The following SLC25A21 variants were observed in gnomAD, a reference collection of about 807,000 sequenced individuals.
SLC25A21 encodes the protein solute carrier family 25 member 21, also known as mitochondrial 2-oxodicarboxylate carrier.
Under a neutral mutation model 43.8 loss-of-function variants are expected in SLC25A21, and 47 were observed. That is an observed-to-expected ratio of 1.07 (90% CI 0.85 to 1.37). The LOEUF is 1.37. Among genes scored for constraint, SLC25A21 ranks in the 40% most tolerant of loss-of-function variants. The pLI, the probability that SLC25A21 is intolerant of heterozygous loss-of-function variation, is 0.00. For synonymous variants in SLC25A21, 131 were observed against 121.3 expected, an observed-to-expected ratio of 1.08 and a Z score of -0.52; for missense variants, 352 against 350.2, an observed-to-expected ratio of 1.00 and a Z score of -0.04.
intron 1 of SLC25A21, among the ~76,000 whole-genome samples, chr14:36,999,981 T>C (rs184930375): frequency 2.2e-4 from 33 of 152,318 alleles, no homozygotes; most frequent in African/African-American, 7.2e-4. Flanking sequence ...CTGACACACA[T>C]AGCAGATACA....
At chr14:36,838,733 C>T (rs1310121451) in intron 2 of SLC25A21, among the ~76,000 whole-genome samples, 1 of 152,166 alleles carries the variant, frequency 6.6e-6, no homozygotes, top group Non-Finnish European at 1.5e-5. Flanking sequence ...GCACATTCGC[C>T]AATATTTCTG....
chr14:37,167,526 G>A (rs1416302716), intron 1 of SLC25A21, among the ~76,000 whole-genome samples: 5 of 151,132 alleles, frequency 3.3e-5, no homozygotes, highest in Non-Finnish European at 7.4e-5. Context: ...TTAAAACAAA[G>A]ATGGTAACAG....
At chr14:36,974,527 T>C (rs1172505368) in intron 1 of SLC25A21, among the ~76,000 whole-genome samples, 1 of 152,196 alleles carries the variant, frequency 6.6e-6, no homozygotes, top group Non-Finnish European at 1.5e-5. Flanking sequence ...ACCAAATACT[T>C]TGCTATGAAA....
intron 1 of SLC25A21, among the ~76,000 whole-genome samples, chr14:37,067,992 T>C (rs1350257459): frequency 1.3e-5 from 2 of 152,270 alleles, no homozygotes; most frequent in Non-Finnish European, 2.9e-5. Context: ...CCATCTGTTT[T>C]GTCCTACAAC....
intron 1 of SLC25A21, among the ~76,000 whole-genome samples, chr14:37,116,051 CAG>C (rs1323424316): frequency 6.6e-6 from 1 of 151,760 alleles, no homozygotes; most frequent in Admixed American, 6.6e-5. Flanking sequence ...CCTGCTTTAA[CAG>C]AAAGGATAAG....
At chr14:36,994,484 A>G (rs535540906) in intron 1 of SLC25A21, among the ~76,000 whole-genome samples, 19 of 152,338 alleles carry the variant, frequency 1.2e-4, no homozygotes, top group Admixed American at 1.2e-3. Flanking sequence ...ACTTAAAAGA[A>G]GAAAATAACA....
chr14:37,039,242 A>C (rs1281809340), intron 1 of SLC25A21, among the ~76,000 whole-genome samples: 2 of 152,318 alleles, frequency 1.3e-5, no homozygotes, highest in African/African-American at 4.8e-5. Context: ...CTGTCTTATA[A>C]GCATTGTTTT....
intron 7 of SLC25A21, among the ~76,000 whole-genome samples, chr14:36,698,479 G>C (rs1883136636): frequency 6.6e-6 from 1 of 152,182 alleles, no homozygotes; most frequent in African/African-American, 2.4e-5. Flanking sequence ...GGTTGGGGAA[G>C]TTCTCCTGAA....
At chr14:37,145,759 C>G (rs934660448) in intron 1 of SLC25A21, among the ~76,000 whole-genome samples, 4 of 152,184 alleles carry the variant, frequency 2.6e-5, no homozygotes, top group African/African-American at 9.7e-5. Context: ...CTTCTTCTAA[C>G]TATTCCTGGA....
intron 1 of SLC25A21, among the ~76,000 whole-genome samples, chr14:36,958,750 G>A (rs905499838): frequency 6.6e-6 from 1 of 152,026 alleles, no homozygotes; most frequent in Admixed American, 6.6e-5. Context: ...GGGGGACACA[G>A]AGCAAGGCCA....
chr14:36,819,709 G>T (rs762081883), intron 2 of SLC25A21, among the ~76,000 whole-genome samples: 1 of 152,108 alleles, frequency 6.6e-6, no homozygotes, highest in African/African-American at 2.4e-5. Context: ...CTATTCTGGG[G>T]AGTGGAGGCT....
chr14:36,755,802 C>T (rs79408439), intron 3 of SLC25A21, among the ~76,000 whole-genome samples: 4,317 of 152,182 alleles, frequency 0.028, 204 homozygotes, highest in African/African-American at 0.098. Flanking sequence ...ACAGCATGTT[C>T]CTGGTGAAGG....
At chr14:36,855,592 T>C (rs1441112681) in intron 2 of SLC25A21, among the ~76,000 whole-genome samples, 4 of 152,144 alleles carry the variant, frequency 2.6e-5, no homozygotes, top group Admixed American at 6.5e-5. Context: ...ATGCAAATCG[T>C]TGGTCTCCAC....
At chr14:36,776,226 C>CT (rs1227806836) in intron 3 of SLC25A21, among the ~76,000 whole-genome samples, 5 of 48,082 alleles carry the variant, frequency 1.0e-4, no homozygotes, top group Admixed American at 5.2e-4. Context: ...TTTTCTTTTT[C>CT]TTTCTTTCTT....
intron 2 of SLC25A21, among the ~76,000 whole-genome samples, chr14:36,841,360 A>C (rs574577251): frequency 3.9e-5 from 6 of 152,320 alleles, no homozygotes; most frequent in African/African-American, 1.4e-4. Context: ...TATCTCTTCT[A>C]TCCGTTCTTT....
chr14:37,031,699 T>C (rs1961214435), intron 1 of SLC25A21, among the ~76,000 whole-genome samples: 1 of 152,168 alleles, frequency 6.6e-6, no homozygotes, highest in South Asian at 2.1e-4. Context: ...AGTAAAATAT[T>C]CACTCCTACT....
chr14:36,939,697 A>G (rs935139004), intron 1 of SLC25A21, among the ~76,000 whole-genome samples: 5 of 152,150 alleles, frequency 3.3e-5, no homozygotes, highest in African/African-American at 1.2e-4. Context: ...ATATTTAAAT[A>G]CATATAAAAA....
At chr14:37,039,665 T>A (rs1224260933) in intron 1 of SLC25A21, among the ~76,000 whole-genome samples, 1 of 152,214 alleles carries the variant, frequency 6.6e-6, no homozygotes, top group African/African-American at 2.4e-5. Context: ...GAGCCTCTTC[T>A]AAGTGGCAGG....
chr14:36,808,218 T>C (rs1888113306), intron 3 of SLC25A21, among the ~76,000 whole-genome samples: 1 of 152,190 alleles, frequency 6.6e-6, no homozygotes, highest in Non-Finnish European at 1.5e-5. Flanking sequence ...TTATTTGCCT[T>C]GAGCAAACCA....
Sources: allele counts gnomAD v4.1 joint callset (sites outside exome capture counted in the v4.1 genomes callset), GRCh38; gene constraint gnomAD v4.1.1; transcripts MANE v1.5; gene names NCBI Gene and HGNC (gene_info 2026-07-23, HGNC 2026-07-21).